The following KCNIP4 variants were observed in gnomAD, a reference collection of about 807,000 sequenced individuals.
KCNIP4 encodes Kv channel-interacting protein 4.
In KCNIP4, 12 loss-of-function variants were observed where a neutral mutation model predicts 34.0. That is an observed-to-expected ratio of 0.35 (90% CI 0.23 to 0.57). The LOEUF (loss-of-function observed/expected upper bound fraction) is 0.57, where lower values mean the gene tolerates loss of function less well. Ranked by LOEUF, KCNIP4 falls within the 20% of genes least tolerant of loss-of-function variation. The pLI is 0.83. For missense variants in KCNIP4, 238 were observed against 311.7 expected (o/e 0.76, Z 1.78); for synonymous variants, 124 against 102.2 (o/e 1.21, Z -1.29).
chr4:20,989,023 C>A (rs528024125), intron 1 of KCNIP4, among the ~76,000 whole-genome samples: 322 of 152,314 alleles, frequency 2.1e-3, no homozygotes, highest in African/African-American at 7.3e-3. Flanking sequence ...ACCCTAGAAG[C>A]CCAAATCCTT....
At chr4:21,287,897 A>T (rs1479285801) in intron 1 of KCNIP4, among the ~76,000 whole-genome samples, 1 of 152,230 alleles carries the variant, frequency 6.6e-6, no homozygotes, top group Non-Finnish European at 1.5e-5. Context: ...AACAAATACT[A>T]TAAAATCTGA....
chr4:21,820,861 A>T (rs1038635428), intron 1 of KCNIP4, among the ~76,000 whole-genome samples: 2 of 152,162 alleles, frequency 1.3e-5, no homozygotes. Flanking sequence ...TCCACATTGT[A>T]CAGTCATTCT....
chr4:20,890,450 C>T (rs183758619), intron 1 of KCNIP4, among the ~76,000 whole-genome samples: 90 of 152,106 alleles, frequency 5.9e-4, no homozygotes, highest in Admixed American at 2.3e-3. Context: ...GAAAAGGTGT[C>T]TTATCCTGTT....
At chr4:21,945,577 C>T (rs1292952875) in intron 1 of KCNIP4, among the ~76,000 whole-genome samples, 1 of 152,088 alleles carries the variant, frequency 6.6e-6, no homozygotes, top group Admixed American at 6.6e-5. Flanking sequence ...TTTTACTCTA[C>T]TATTGAAACA....
intron 1 of KCNIP4, among the ~76,000 whole-genome samples, chr4:21,698,533 C>T (rs1010334725): frequency 6.6e-6 from 1 of 152,152 alleles, no homozygotes; most frequent in Non-Finnish European, 1.5e-5. Context: ...GAGGCAGTTG[C>T]TGTGAAAGCC....
intron 1 of KCNIP4, among the ~76,000 whole-genome samples, chr4:21,630,464 A>G (rs1458667654): frequency 2.0e-5 from 3 of 151,988 alleles, no homozygotes; most frequent in Non-Finnish European, 4.4e-5. Flanking sequence ...TCAAAAAAAA[A>G]AAAAAGAAAA....
At chr4:21,084,977 T>A (rs1020351705) in intron 1 of KCNIP4, among the ~76,000 whole-genome samples, 1 of 149,812 alleles carries the variant, frequency 6.7e-6, no homozygotes, top group East Asian at 1.9e-4. Flanking sequence ...ATTACACTTA[T>A]ATAATATCTA....
intron 1 of KCNIP4, among the ~76,000 whole-genome samples, chr4:20,949,146 C>G (rs4441750): frequency 1.4e-4 from 21 of 152,054 alleles, no homozygotes; most frequent in African/African-American, 4.8e-4. Context: ...AGTACGGTAA[C>G]AGCGACTGCT....
At chr4:21,517,852 T>C (rs530561034) in intron 1 of KCNIP4, among the ~76,000 whole-genome samples, 2 of 152,280 alleles carry the variant, frequency 1.3e-5, no homozygotes, top group African/African-American at 4.8e-5. Context: ...CATGCACAGC[T>C]TTCCCTGATA....
At chr4:21,642,129 C>G (rs1344901123) in intron 1 of KCNIP4, among the ~76,000 whole-genome samples, 1 of 152,214 alleles carries the variant, frequency 6.6e-6, no homozygotes, top group Non-Finnish European at 1.5e-5. Context: ...ACACAGCACT[C>G]CTTCTCATCA....
At chr4:21,729,634 A>T (rs1205089115) in intron 1 of KCNIP4, among the ~76,000 whole-genome samples, 1 of 152,206 alleles carries the variant, frequency 6.6e-6, no homozygotes, top group Non-Finnish European at 1.5e-5. Context: ...CAAGAATTCT[A>T]AAAGCAAAGG....
chr4:20,848,817 G>A (rs1210507140), intron 3 of KCNIP4, among the ~76,000 whole-genome samples: 2 of 151,958 alleles, frequency 1.3e-5, no homozygotes, highest in Non-Finnish European at 2.9e-5. Context: ...GAAAAAAAAA[G>A]TCTGCTTATT....
intron 3 of KCNIP4, among the ~76,000 whole-genome samples, chr4:20,821,636 C>CA (rs1717116036): frequency 6.6e-6 from 1 of 152,110 alleles, no homozygotes; most frequent in Non-Finnish European, 1.5e-5. Flanking sequence ...CACCCCCTCC[C>CA]ACCCTTTCCC....
At chr4:21,236,327 T>C (rs1488802606) in intron 1 of KCNIP4, among the ~76,000 whole-genome samples, 1 of 152,166 alleles carries the variant, frequency 6.6e-6, no homozygotes, top group Non-Finnish European at 1.5e-5. Flanking sequence ...ATGAGTTCCA[T>C]TAACAAAGAA....
intron 1 of KCNIP4, among the ~76,000 whole-genome samples, chr4:21,327,412 C>T (rs1443640741): frequency 1.3e-5 from 2 of 152,050 alleles, no homozygotes; most frequent in East Asian, 3.9e-4. Context: ...AGTCTGATGC[C>T]ATACATATTG....
At chr4:21,688,287 T>C (rs56173031) in intron 1 of KCNIP4, among the ~76,000 whole-genome samples, 4,191 of 152,240 alleles carry the variant, frequency 0.028, 67 homozygotes, top group South Asian at 0.051. Flanking sequence ...AAATGCTCAG[T>C]GGAGCACTTT....
chr4:20,904,630 G>C (rs1577343635), intron 1 of KCNIP4, among the ~76,000 whole-genome samples: 1 of 152,212 alleles, frequency 6.6e-6, no homozygotes, highest in East Asian at 1.9e-4. Context: ...TGGCATCCTT[G>C]ATTGGAGAGT....
At chr4:21,854,763 C>T (rs1724645035) in intron 1 of KCNIP4, among the ~76,000 whole-genome samples, 1 of 152,174 alleles carries the variant, frequency 6.6e-6, no homozygotes, top group Non-Finnish European at 1.5e-5. Context: ...CCCTTCTTTC[C>T]AACAACTGGA....
intron 1 of KCNIP4, among the ~76,000 whole-genome samples, chr4:21,308,709 T>A (rs1712771601): frequency 1.0e-5 from 1 of 95,406 alleles, no homozygotes; most frequent in South Asian, 3.5e-4. Flanking sequence ...CCCTGCCGTG[T>A]GAGTGTGTGT....
Sources: gnomAD v4.1 joint callset for allele counts (sites outside exome capture counted in the v4.1 genomes callset) on GRCh38, gnomAD v4.1.1 for gene constraint, MANE v1.5 for transcripts, NCBI Gene and HGNC (gene_info 2026-07-23, HGNC 2026-07-21) for gene names.